OR11A1: variants seen among roughly 807,000 people sequenced by gnomAD.
OR11A1 encodes the protein olfactory receptor family 11 subfamily A member 1.
For missense variants in OR11A1, 380 were observed against 378.2 expected (o/e 1.00, Z -0.04); for synonymous variants, 158 against 152.2 (o/e 1.04, Z -0.28).
chr6:29,440,222 G>A (rs977356543), intron 1 of OR11A1: 3 of 1,613,952 alleles, frequency 1.9e-6, no homozygotes, highest in Admixed American at 1.7e-5. Flanking sequence ...CGGCCTTGGA[G>A]ATTGGCTATA....
In OR11A1 at chr6:29,426,877, C is replaced by T. The variant is rs754204934; in HGVS notation, c.765G>A (p.Thr255=). 1.2e-5 allele frequency: 20 copies of T among 1,613,020 alleles called. No individual in the cohort carries two copies. The Admixed American group carries it at 1.8e-4, about 15-fold the overall frequency. ...HLAVVTTFYG[T]LMIFYVAPSA... is the part of the protein sequence containing the mutation. ...AGGGTGCAACATAAAAGATCATGAGCGTTCCATAGAATGTGGTCACTACAG... is the reference window on the plus strand; with the variant it reads ...AGGGTGCAACATAAAAGATCATGAGTGTTCCATAGAATGTGGTCACTACAG... The change falls in exon 5 of 5, where the codon ACG becomes ACA. Residue 255 remains threonine (T), a synonymous_variant. Coordinates refer to ENST00000377149, the MANE Select transcript of OR11A1 (RefSeq NM_001394828.1).
chr6:29,430,533 G>A (rs1783157462), intron 2 of OR11A1, 108 bp from the exon 3 acceptor site: 1 of 705,662 alleles, frequency 1.4e-6, no homozygotes, highest in Admixed American at 6.3e-5. Context: ...GGAGCTGGAG[G>A]CTATTATTTT....
intron 1 of OR11A1, among the ~76,000 whole-genome samples, chr6:29,444,388 C>T (rs780986378): frequency 1.3e-4 from 20 of 152,110 alleles, no homozygotes; most frequent in Admixed American, 1.3e-3. Flanking sequence ...ACTAATACAC[C>T]TTGGTAAAGA....
intron 1 of OR11A1, among the ~76,000 whole-genome samples, chr6:29,448,010 CTTTTT>C (rs9280602): frequency 2.5e-5 from 2 of 79,934 alleles, no homozygotes; most frequent in African/African-American, 4.6e-5. Flanking sequence ...ATGACCCTTT[CTTTTT>C]TTTTTTTTTT....
chr6:29,454,440 A>G (rs1785803693), intron 1 of OR11A1, among the ~76,000 whole-genome samples: 1 of 152,148 alleles, frequency 6.6e-6, no homozygotes, highest in African/African-American at 2.4e-5. Context: ...AGTCTACTAG[A>G]ATGACTATAA....
chr6:29,438,031 A>G (rs1286498927), intron 1 of OR11A1, among the ~76,000 whole-genome samples: 1 of 152,238 alleles, frequency 6.6e-6, no homozygotes, highest in Admixed American at 6.5e-5. Flanking sequence ...ATAAAATATA[A>G]AGGAGTCAGA....
intron 1 of OR11A1, chr6:29,440,336 C>T (rs1454127751): frequency 6.2e-7 from 1 of 1,614,104 alleles, no homozygotes; most frequent in Non-Finnish European, 8.5e-7. Flanking sequence ...TCTTCTTTGG[C>T]GCCACGGAGT....
chr6:29,446,995 ATGG>A (rs1784841322), intron 1 of OR11A1, among the ~76,000 whole-genome samples: 1 of 152,208 alleles, frequency 6.6e-6, no homozygotes, highest in African/African-American at 2.4e-5. Flanking sequence ...AGGCACCCTG[ATGG>A]ACCTAAATAA....
At position 29,430,404 on chromosome 6, in the gene OR11A1, T is replaced by C; in HGVS notation, c.-243A>G. 1.7e-5 allele frequency: 17 copies of C among 985,430 alleles called. No individual in the cohort carries two copies. Among genetic ancestry groups the C allele is most frequent in the Non-Finnish European group, 1.8e-5 (15 of 829,932 alleles). 61.0% of individuals were successfully genotyped at this position (985,430 alleles called of 1,614,324 possible). A position where few individuals can be genotyped will look rare whatever the true frequency, so the allele number is the denominator to read the frequency against. On this transcript the variant is annotated 5_prime_UTR_variant, in exon 3 of 5. Transcript: ENST00000377149. ...ATCTGGTCCAAACTCATTCTGAGGC[T>C]TGGAGTCTTTCTATAGGATTCCTGC...
At chr6:29,427,808 C>T (rs1005213472) in intron 4 of OR11A1, 76 bp from the exon 5 acceptor site, 1 of 1,106,136 alleles carries the variant, frequency 9.0e-7, no homozygotes. Context: ...TTCAACTATC[C>T]CCCTTCTTAG....
intron 4 of OR11A1, 53 bp from the exon 5 acceptor site, chr6:29,427,785 G>A (rs1047324326): frequency 8.4e-5 from 109 of 1,303,704 alleles, no homozygotes; most frequent in Admixed American, 1.4e-4. Context: ...AACAAGACTC[G>A]CTCACGCAAG....
At chr6:29,440,671 G>T in intron 1 of OR11A1, 1 of 1,614,090 alleles carries the variant, frequency 6.2e-7, no homozygotes. Context: ...TCCTACGGGC[G>T]TATCCTCGTT....
chr6:29,455,336 G>A (rs753850699), intron 1 of OR11A1, among the ~76,000 whole-genome samples: 1 of 152,074 alleles, frequency 6.6e-6, no homozygotes. Flanking sequence ...TATAAAATAT[G>A]GACAAATGAC....
intron 1 of OR11A1, among the ~76,000 whole-genome samples, chr6:29,451,101 TA>T (rs1413936444): frequency 3.9e-5 from 6 of 151,912 alleles, no homozygotes; most frequent in African/African-American, 1.4e-4. Context: ...TCAACAAAAA[TA>T]AGCACTCACT....
rs1783991824 is a variant in OR11A1, at chr6:29,440,149, T to C, written c.-388-8162A>G. On this transcript the variant is annotated intron_variant, in intron 1 of 4. Transcript: ENST00000377149. ...ACCGTGGCAGGCAATTTCCTCATTG[T>C]GGTGCTGGTCTCCACTGATGCTGCC... The C allele has an allele frequency of 6.2e-7, 1 of 1,613,486 alleles. No homozygotes were observed. Among genetic ancestry groups the C allele is most frequent in the African/African-American group, 1.3e-5 (1 of 74,918 alleles).
At chr6:29,428,027 ATAT>A (rs1293691014) in intron 4 of OR11A1, among the ~76,000 whole-genome samples, 7 of 152,104 alleles carry the variant, frequency 4.6e-5, no homozygotes, top group Non-Finnish European at 7.4e-5. Context: ...CACCAGTATA[ATAT>A]TCTCCAAATG....
intron 1 of OR11A1, among the ~76,000 whole-genome samples, chr6:29,436,017 A>G (rs552100756): frequency 1.3e-5 from 2 of 152,344 alleles, no homozygotes; most frequent in South Asian, 4.1e-4. Flanking sequence ...CATGACTAGC[A>G]ATAGAGTTGA....
chr6:29,429,160 C>G lies in OR11A1; in HGVS notation c.-139-200G>C, dbSNP rs118026348. ...CTTTAATACAAATAGTCTAGAACAT[C>G]AGTTTCCTAAGAGGTGAAAAACTGG... On this transcript the variant is annotated intron_variant, in intron 3 of 4. Coordinates refer to ENST00000377149, the MANE Select transcript of OR11A1 (RefSeq NM_001394828.1). 3.0e-4 allele frequency among the ~76,000 whole-genome samples: 46 copies of G among 152,242 alleles called. 1 individual carries two copies. In the East Asian group the frequency reaches 8.5e-3, roughly 28 times the overall value.
At chr6:29,438,049 TA>T (rs1783776246) in intron 1 of OR11A1, among the ~76,000 whole-genome samples, 4 of 152,212 alleles carry the variant, frequency 2.6e-5, no homozygotes, top group Non-Finnish European at 4.4e-5. Context: ...AGAAGAAAAC[TA>T]AGTACGAAAT....
Sources: gnomAD v4.1 joint callset for allele counts (sites outside exome capture counted in the v4.1 genomes callset) on GRCh38, gnomAD v4.1.1 for gene constraint, MANE v1.5 for transcripts, NCBI Gene and HGNC (gene_info 2026-07-23, HGNC 2026-07-21) for gene names.